Variants in BRAF observed in about 807,000 individuals in gnomAD.
BRAF encodes B-Raf proto-oncogene, serine/threonine kinase.
BRAF carries 16 observed loss-of-function variants against 104.6 expected under a neutral mutation model. The ratio of observed to expected loss-of-function variants is 0.15; its 90% CI spans 0.10 to 0.23. BRAF has a LOEUF of 0.23. Ranked by LOEUF, BRAF falls within the 10% of genes least tolerant of loss-of-function variation. The pLI is 1.00. For synonymous variants in BRAF, 310 were observed against 341.6 expected, an observed-to-expected ratio of 0.91 and a Z score of 1.02; for missense variants, 541 against 937.3, an observed-to-expected ratio of 0.58 and a Z score of 5.52.
At chr7:140,837,065 T>A (rs753838074) in intron 2 of BRAF, among the ~76,000 whole-genome samples, 14 of 152,348 alleles carry the variant, frequency 9.2e-5, no homozygotes, top group Non-Finnish European at 1.5e-4. Flanking sequence ...TTTCCTTTTG[T>A]TAAGTACAAA....
intron 2 of BRAF, among the ~76,000 whole-genome samples, chr7:140,838,582 T>G (rs1807597148): frequency 6.6e-6 from 1 of 151,530 alleles, no homozygotes; most frequent in Admixed American, 6.6e-5. Flanking sequence ...AAAATCTCAA[T>G]TTTTTTTTGT....
intron 1 of BRAF, among the ~76,000 whole-genome samples, chr7:140,853,975 T>A (rs1453673925): frequency 1.3e-5 from 2 of 152,072 alleles, no homozygotes; most frequent in Non-Finnish European, 2.9e-5. Context: ...TAAAAAAAAA[T>A]GAATACTTTA....
chr7:140,742,802 A>G (rs983763740), intron 17 of BRAF, among the ~76,000 whole-genome samples: 1 of 152,168 alleles, frequency 6.6e-6, no homozygotes, highest in African/African-American at 2.4e-5. Context: ...AAAATGGGAG[A>G]AAATTTTTGC....
intron 3 of BRAF, among the ~76,000 whole-genome samples, chr7:140,829,542 A>G (rs760476379): frequency 1.4e-4 from 21 of 151,998 alleles, no homozygotes; most frequent in Non-Finnish European, 3.1e-4. Flanking sequence ...CTAGATACCT[A>G]TTATATTCCA....
At chr7:140,898,029 T>C (rs375316592) in intron 1 of BRAF, among the ~76,000 whole-genome samples, 9 of 152,142 alleles carry the variant, frequency 5.9e-5, no homozygotes, top group African/African-American at 1.9e-4. Context: ...CAAGACTCCA[T>C]CTCTACAAAT....
chr7:140,830,315 G>A (rs527611438), intron 3 of BRAF, among the ~76,000 whole-genome samples: 1 of 152,246 alleles, frequency 6.6e-6, no homozygotes, highest in Admixed American at 6.5e-5. Context: ...TCCAACAAAT[G>A]GCAAGTGGTT....
downstream of BRAF, among the ~76,000 whole-genome samples, chr7:140,715,057 G>A (rs1320533983): frequency 6.6e-6 from 1 of 152,194 alleles, no homozygotes; most frequent in East Asian, 1.9e-4. Context: ...CTCATAAGCA[G>A]ACCAGGGCCA....
intron 2 of BRAF, among the ~76,000 whole-genome samples, chr7:140,838,813 CA>C (rs1389729109): frequency 6.6e-6 from 1 of 152,072 alleles, no homozygotes; most frequent in African/African-American, 2.4e-5. Context: ...TCCATAAAGG[CA>C]AAAAGTAGAT....
At chr7:140,772,391 G>A (rs1242525128) in intron 14 of BRAF, among the ~76,000 whole-genome samples, 1 of 152,198 alleles carries the variant, frequency 6.6e-6, no homozygotes. Flanking sequence ...GGGAGGCGGA[G>A]GCAGTGGCTC....
intron 3 of BRAF, among the ~76,000 whole-genome samples, chr7:140,820,759 G>T (rs1805391127): frequency 6.6e-6 from 1 of 152,022 alleles, no homozygotes; most frequent in South Asian, 2.1e-4. Context: ...GGGCAACATA[G>T]CAAGGCCCTA....
At chr7:140,865,987 C>T (rs1046984955) in intron 1 of BRAF, among the ~76,000 whole-genome samples, 12 of 152,140 alleles carry the variant, frequency 7.9e-5, no homozygotes, top group African/African-American at 2.7e-4. Context: ...GAATAACTGT[C>T]CATAACGTCA....
chr7:140,752,130 G>T (rs369429115), intron 16 of BRAF, among the ~76,000 whole-genome samples: 2 of 152,218 alleles, frequency 1.3e-5, no homozygotes, highest in East Asian at 3.9e-4. Context: ...TGTTAACACA[G>T]ATCATTCATT....
intron 17 of BRAF, among the ~76,000 whole-genome samples, chr7:140,742,045 T>C (rs1796966764): frequency 2.0e-5 from 3 of 152,202 alleles, no homozygotes; most frequent in Admixed American, 2.0e-4. Context: ...TTTTCAATGT[T>C]TAAGTTAACT....
intron 3 of BRAF, among the ~76,000 whole-genome samples, chr7:140,825,088 G>T (rs1295284195): frequency 6.6e-6 from 1 of 151,068 alleles, no homozygotes; most frequent in Non-Finnish European, 1.5e-5. Context: ...TTCTGCCTCA[G>T]CCTCCCGAGC....
At chr7:140,786,517 T>C (rs140928620) in intron 9 of BRAF, among the ~76,000 whole-genome samples, 51 of 152,230 alleles carry the variant, frequency 3.4e-4, no homozygotes, top group African/African-American at 1.2e-3. Context: ...TTATAAAACA[T>C]TATATAGGGT....
At position 140,862,720 on chromosome 7, in the gene BRAF, T is replaced by C. The variant is rs190460129; in HGVS notation, c.139-12508A>G. 2.4e-3 allele frequency among the ~76,000 whole-genome samples: 363 copies of C among 152,180 alleles called. 11 individuals are homozygous for C. Among genetic ancestry groups the C allele is most frequent in the Non-Finnish European group, 8.2e-4 (56 of 68,000 alleles). On this transcript the variant is annotated intron_variant, in intron 1 of 19. Coordinates refer to ENST00000644969, the MANE Select transcript of BRAF (RefSeq NM_001374258.1). Reference sequence around the variant, plus strand: ...GACTTAAGGCTGGGGGGTGGGCAAATTGGTGGGAACAGAGAATGACTGCTA... The same window carrying C: ...GACTTAAGGCTGGGGGGTGGGCAAACTGGTGGGAACAGAGAATGACTGCTA...
chr7:140,716,957 A>C (rs1289909107), downstream of BRAF, among the ~76,000 whole-genome samples: 1 of 152,146 alleles, frequency 6.6e-6, no homozygotes, highest in African/African-American at 2.4e-5. Context: ...GGGAAATGGG[A>C]GCTCCCTGAG....
At chr7:140,743,897 T>C (rs963572351) in intron 17 of BRAF, among the ~76,000 whole-genome samples, 2 of 152,172 alleles carry the variant, frequency 1.3e-5, no homozygotes, top group East Asian at 1.9e-4. Flanking sequence ...AAAATATTAA[T>C]TGAAATGTCA....
chr7:140,777,525 A>G (rs1800453827), intron 13 of BRAF, among the ~76,000 whole-genome samples: 2 of 152,314 alleles, frequency 1.3e-5, no homozygotes, highest in East Asian at 1.9e-4. Flanking sequence ...TCTCTTGAAC[A>G]TAACAGCCTT....
Sources: allele counts gnomAD v4.1 joint callset (sites outside exome capture counted in the v4.1 genomes callset), GRCh38; gene constraint gnomAD v4.1.1; transcripts MANE v1.5; gene names NCBI Gene and HGNC (gene_info 2026-07-23, HGNC 2026-07-21).